The following RCOR1 variants were observed in gnomAD, a reference collection of about 807,000 sequenced individuals.
RCOR1 encodes the protein REST corepressor.
Under a neutral mutation model 64.0 loss-of-function variants are expected in RCOR1, and 12 were observed. The ratio of observed to expected loss-of-function variants is 0.19; its 90% CI spans 0.12 to 0.30. RCOR1 has a LOEUF of 0.30. Ranked by LOEUF, RCOR1 falls within the 10% of genes least tolerant of loss-of-function variation. The pLI, the probability that RCOR1 is intolerant of heterozygous loss-of-function variation, is 1.00. For missense variants in RCOR1, 502 were observed against 621.2 expected, an observed-to-expected ratio of 0.81 and a Z score of 2.04; for synonymous variants, 279 against 227.2, an observed-to-expected ratio of 1.23 and a Z score of -2.05.
At chr14:102,632,686 TTTTCCTTTTCC>T (rs1306081201) in intron 2 of RCOR1, among the ~76,000 whole-genome samples, 17 of 125,646 alleles carry the variant, frequency 1.4e-4, no homozygotes, top group African/African-American at 4.3e-4. Context: ...TTCCTTTTCC[TTTTCCTTTTCC>T]TTTCCTTTCC....
chr14:102,634,233 C>T (rs562077297), intron 2 of RCOR1, among the ~76,000 whole-genome samples: 3 of 152,146 alleles, frequency 2.0e-5, no homozygotes, highest in South Asian at 4.2e-4. Context: ...ACAGGCTGGG[C>T]TTCATGGCTC....
intron 2 of RCOR1, among the ~76,000 whole-genome samples, chr14:102,635,847 G>C (rs762611003): frequency 6.6e-6 from 1 of 152,112 alleles, no homozygotes; most frequent in Non-Finnish European, 1.5e-5. Flanking sequence ...AGCTGCTAAG[G>C]TGGGAAGATC....
At chr14:102,681,288 C>A (rs1401731575) in intron 2 of RCOR1, among the ~76,000 whole-genome samples, 1 of 152,136 alleles carries the variant, frequency 6.6e-6, no homozygotes, top group Non-Finnish European at 1.5e-5. Context: ...GGTCACTGAA[C>A]CTCCTGTTTC....
intron 2 of RCOR1, among the ~76,000 whole-genome samples, chr14:102,648,426 A>G (rs138240146): frequency 3.3e-5 from 5 of 152,256 alleles, no homozygotes; most frequent in Admixed American, 6.5e-5. Flanking sequence ...GAATATTTCA[A>G]ATTTATCTTG....
intron 2 of RCOR1, among the ~76,000 whole-genome samples, chr14:102,634,650 A>ATG (rs1429523149): frequency 7.0e-6 from 1 of 142,964 alleles, no homozygotes; most frequent in South Asian, 2.1e-4. Context: ...ATATATATAT[A>ATG]TGTATATATA....
intron 2 of RCOR1, among the ~76,000 whole-genome samples, chr14:102,596,859 C>G (rs566789243): frequency 2.1e-5 from 3 of 144,620 alleles, no homozygotes; most frequent in African/African-American, 7.8e-5. Context: ...ACCACTGTGA[C>G]TGCCCCTCCC....
intron 3 of RCOR1, among the ~76,000 whole-genome samples, chr14:102,700,441 C>G (rs898972931): frequency 7.2e-5 from 11 of 152,266 alleles, no homozygotes; most frequent in African/African-American, 2.6e-4. Context: ...AGGTTGCTCT[C>G]GAACTCCTGA....
intron 2 of RCOR1, among the ~76,000 whole-genome samples, chr14:102,621,499 C>T (rs1893873933): frequency 6.6e-6 from 1 of 151,330 alleles, no homozygotes; most frequent in South Asian, 2.1e-4. Flanking sequence ...CCTTGGCCTC[C>T]AAAGTGTTTG....
rs551384393 is a variant in RCOR1, at chr14:102,646,962, T to C, written c.362-34933T>C. Among the ~76,000 whole-genome samples, 6 of 152,344 alleles carry C rather than the reference T, an allele frequency of 3.9e-5. No individual in the cohort carries two copies. The East Asian group carries it at 9.6e-4, about 24-fold the overall frequency. On this transcript the variant is annotated intron_variant, in intron 2 of 11. Transcript: ENST00000262241. ...AAAAACAAAACAGAAGGGAATACTT[T>C]AGAGTTAATGGATTGGTTCAGGAGC...
chr14:102,669,861 G>T (rs1894996580), intron 2 of RCOR1, among the ~76,000 whole-genome samples: 1 of 151,964 alleles, frequency 6.6e-6, no homozygotes, highest in African/African-American at 2.4e-5. Context: ...AACGTTTTTT[G>T]GTCCCTAACA....
chr14:102,676,311 C>T (rs1334349317), intron 2 of RCOR1, among the ~76,000 whole-genome samples: 1 of 146,660 alleles, frequency 6.8e-6, no homozygotes, highest in African/African-American at 2.6e-5. Context: ...CCCTCACCTC[C>T]CGGATGGGGC....
intron 2 of RCOR1, among the ~76,000 whole-genome samples, chr14:102,635,323 G>A (rs1446539964): frequency 6.6e-6 from 1 of 152,108 alleles, no homozygotes; most frequent in Non-Finnish European, 1.5e-5. Context: ...GGCCACCATG[G>A]TGAAAACCCA....
intron 2 of RCOR1, chr14:102,650,944 A>G: frequency 1.3e-6 from 1 of 760,742 alleles, no homozygotes; most frequent in Non-Finnish European, 1.6e-6. Flanking sequence ...TCTTATTACT[A>G]ATAATTCCTG....
At chr14:102,713,658 C>T (rs1340056811) in intron 7 of RCOR1, among the ~76,000 whole-genome samples, 27 of 152,170 alleles carry the variant, frequency 1.8e-4, no homozygotes, top group Admixed American at 1.6e-3. Context: ...TATTAAACAT[C>T]GTAGTCCCAT....
chr14:102,610,765 A>G (rs1045886158), intron 2 of RCOR1, among the ~76,000 whole-genome samples: 1 of 152,042 alleles, frequency 6.6e-6, no homozygotes, highest in Admixed American at 6.6e-5. Flanking sequence ...CGTATTAGCC[A>G]GGATGGTCTC....
At chr14:102,713,343 G>T (rs893484853) in intron 7 of RCOR1, among the ~76,000 whole-genome samples, 1 of 146,914 alleles carries the variant, frequency 6.8e-6, no homozygotes. Context: ...ACTGCAAGCT[G>T]CGCCTCCCAG....
intron 2 of RCOR1, among the ~76,000 whole-genome samples, chr14:102,609,306 G>A (rs948425367): frequency 1.3e-5 from 2 of 152,092 alleles, no homozygotes; most frequent in African/African-American, 4.8e-5. Context: ...GCCTCTCAAA[G>A]TGCTGGGATT....
chr14:102,607,027 G>A lies in RCOR1; in HGVS notation c.361+13702G>A, dbSNP rs191142653. On this transcript the variant is annotated intron_variant, in intron 2 of 11. Coordinates refer to ENST00000262241, the MANE Select transcript of RCOR1 (RefSeq NM_015156.4). ...TAGCTCACTGCAGCCTCTGCCTCCC[G>A]GATTCAAGTGGTTCTCCTGCCTCAG... is the stretch of plus-strand genomic sequence containing the variant. 3.6e-3 allele frequency among the ~76,000 whole-genome samples: 543 copies of A among 148,922 alleles called. 2 individuals are homozygous for A. Among genetic ancestry groups the A allele is most frequent in the Admixed American group, 9.7e-3 (142 of 14,660 alleles).
At chr14:102,693,747 G>A (rs1054725934) in intron 3 of RCOR1, among the ~76,000 whole-genome samples, 1 of 152,214 alleles carries the variant, frequency 6.6e-6, no homozygotes, top group South Asian at 2.1e-4. Flanking sequence ...AAAAGTCCTC[G>A]AGGGTCCCCT....
Sources: gnomAD v4.1 joint callset for allele counts (sites outside exome capture counted in the v4.1 genomes callset) on GRCh38, gnomAD v4.1.1 for gene constraint, MANE v1.5 for transcripts, NCBI Gene and HGNC (gene_info 2026-07-23, HGNC 2026-07-21) for gene names.